Variants in TTBK2 observed in about 807,000 individuals in gnomAD.
The protein encoded by TTBK2 is tau-tubulin kinase 2.
A neutral mutation model predicts 110.8 loss-of-function variants in TTBK2; 28 were observed. The ratio of observed to expected loss-of-function variants is 0.25; its 90% CI spans 0.19 to 0.35. The LOEUF (loss-of-function observed/expected upper bound fraction) is 0.35. Among genes scored for constraint, TTBK2 ranks in the 10% least tolerant of loss-of-function variants. The pLI is 1.00. For synonymous variants in TTBK2, 532 were observed against 527.3 expected, an observed-to-expected ratio of 1.01 and a Z score of -0.12; for missense variants, 1,369 against 1,500.3, an observed-to-expected ratio of 0.91 and a Z score of 1.45.
chr15:42,754,340 CA>C (rs2061912528), intron 13 of TTBK2, among the ~76,000 whole-genome samples: 1 of 152,112 alleles, frequency 6.6e-6, no homozygotes, highest in East Asian at 1.9e-4. Context: ...CTTGGCCTCC[CA>C]AAGAGCTTGG....
At chr15:42,773,765 T>C (rs1209309338) in intron 13 of TTBK2, among the ~76,000 whole-genome samples, 1 of 150,790 alleles carries the variant, frequency 6.6e-6, no homozygotes, top group East Asian at 2.0e-4. Flanking sequence ...GTGGAAAGAG[T>C]GGATGAATGG....
intron 9 of TTBK2, among the ~76,000 whole-genome samples, chr15:42,800,452 C>T (rs1434951829): frequency 6.6e-6 from 1 of 152,148 alleles, no homozygotes; most frequent in Non-Finnish European, 1.5e-5. Context: ...ATATGAAATC[C>T]CAGTCTGCCC....
chr15:42,781,295 C>T (rs949997558), intron 11 of TTBK2, among the ~76,000 whole-genome samples: 3 of 151,972 alleles, frequency 2.0e-5, no homozygotes, highest in Non-Finnish European at 4.4e-5. Flanking sequence ...CTTGTATGCA[C>T]TTAACTCATG....
intron 1 of TTBK2, among the ~76,000 whole-genome samples, chr15:42,889,784 A>G (rs920347237): frequency 3.3e-5 from 5 of 151,954 alleles, no homozygotes; most frequent in African/African-American, 1.2e-4. Context: ...CCTTACCCCA[A>G]TATCTTCCTT....
intron 1 of TTBK2, chr15:42,919,897 G>T: frequency 1.3e-6 from 1 of 778,854 alleles, no homozygotes; most frequent in Non-Finnish European, 1.6e-6. Flanking sequence ...ATCCCAGGGT[G>T]TCAACATCAT....
At chr15:42,880,306 A>C (rs1894990580) in intron 1 of TTBK2, among the ~76,000 whole-genome samples, 1 of 152,204 alleles carries the variant, frequency 6.6e-6, no homozygotes, top group African/African-American at 2.4e-5. Context: ...TAAAAGGTCA[A>C]TCAATTCCTA....
At chr15:42,784,644 C>CAG (rs1399012765) in intron 10 of TTBK2, among the ~76,000 whole-genome samples, 1 of 152,170 alleles carries the variant, frequency 6.6e-6, no homozygotes, top group African/African-American at 2.4e-5. Flanking sequence ...AAATAAAATA[C>CAG]AGAGATGAAT....
Position 42,811,800 on chromosome 15 carries a change from T to C in TTBK2, c.604-20A>G, listed in dbSNP as rs766593450. ...CATTTCCTTCATAAACAAAACAGAA[T>C]CCAGTCACATAACATTATTACTTGT... On this transcript the variant is annotated intron_variant, in intron 7 of 14. Coordinates refer to ENST00000267890, the MANE Select transcript of TTBK2 (RefSeq NM_173500.4). The C allele has an allele frequency of 6.2e-7, 1 of 1,603,438 alleles. No homozygotes were observed. Among genetic ancestry groups the C allele is most frequent in the Non-Finnish European group, 8.5e-7 (1 of 1,171,080 alleles).
At chr15:42,862,177 C>T (rs964415240) in intron 3 of TTBK2, among the ~76,000 whole-genome samples, 3 of 151,948 alleles carry the variant, frequency 2.0e-5, no homozygotes, top group African/African-American at 7.3e-5. Context: ...GGTATCAATC[C>T]GACTGAAACT....
chr15:42,818,654 A>C (rs1392645911), intron 6 of TTBK2, among the ~76,000 whole-genome samples: 1 of 152,086 alleles, frequency 6.6e-6, no homozygotes, highest in Non-Finnish European at 1.5e-5. Context: ...CGGGAGGCGG[A>C]GCTTAAAGTG....
At chr15:42,763,160 A>G (rs1315186736) in intron 13 of TTBK2, among the ~76,000 whole-genome samples, 13 of 9,336 alleles carry the variant, frequency 1.4e-3, no homozygotes, top group African/African-American at 6.8e-3. Flanking sequence ...ATATATACAT[A>G]TATATATATA....
At chr15:42,761,856 G>C (rs182139195) in intron 13 of TTBK2, among the ~76,000 whole-genome samples, 93 of 152,280 alleles carry the variant, frequency 6.1e-4, no homozygotes, top group Non-Finnish European at 9.9e-4. Flanking sequence ...TGGGTGTAAC[G>C]GTTTGGCTGT....
At chr15:42,764,483 C>A (rs1889261008) in intron 13 of TTBK2, among the ~76,000 whole-genome samples, 2 of 152,398 alleles carry the variant, frequency 1.3e-5, no homozygotes, top group South Asian at 4.1e-4. Context: ...GGGTCCCACG[C>A]CCACGGAGCC....
At chr15:42,872,897 T>A (rs1894669909) in intron 2 of TTBK2, 139 bp from the exon 3 acceptor site, 3 of 1,075,100 alleles carry the variant, frequency 2.8e-6, no homozygotes, top group South Asian at 3.6e-5. Context: ...TTAAATTAAC[T>A]ATGTATATGC....
intron 3 of TTBK2, among the ~76,000 whole-genome samples, chr15:42,852,723 C>A (rs1893770570): frequency 6.6e-6 from 1 of 152,182 alleles, no homozygotes; most frequent in South Asian, 2.1e-4. Flanking sequence ...AATGTTACAT[C>A]TTCCAAGGAG....
intron 1 of TTBK2, among the ~76,000 whole-genome samples, chr15:42,883,548 T>C (rs1262096035): frequency 1.3e-5 from 2 of 151,782 alleles, no homozygotes; most frequent in African/African-American, 4.8e-5. Flanking sequence ...AAAGTAGATA[T>C]ATCGTAAGCC....
At chr15:42,786,292 T>C (rs1307483396) in intron 10 of TTBK2, among the ~76,000 whole-genome samples, 1 of 152,182 alleles carries the variant, frequency 6.6e-6, no homozygotes, top group Non-Finnish European at 1.5e-5. Flanking sequence ...AACTGGCTAC[T>C]AACAGATTTT....
chr15:42,777,405 CTT>C (rs1306563984), intron 11 of TTBK2, among the ~76,000 whole-genome samples, 163 bp from the exon 12 acceptor site: 1 of 152,166 alleles, frequency 6.6e-6, no homozygotes, highest in African/African-American at 2.4e-5. Flanking sequence ...TCTATTAACT[CTT>C]TATTAAATGT....
chr15:42,765,065 A>T (rs1248008570), intron 13 of TTBK2, among the ~76,000 whole-genome samples: 1 of 152,224 alleles, frequency 6.6e-6, no homozygotes, highest in East Asian at 1.9e-4. Context: ...GAAAACTAAC[A>T]AACAGAAAGG....
Sources: gnomAD v4.1 joint callset for allele counts (sites outside exome capture counted in the v4.1 genomes callset) on GRCh38, gnomAD v4.1.1 for gene constraint, MANE v1.5 for transcripts, NCBI Gene and HGNC (gene_info 2026-07-23, HGNC 2026-07-21) for gene names.